The following COL27A1 variants were observed in gnomAD, a reference collection of about 807,000 sequenced individuals.
The protein encoded by COL27A1 is collagen type XXVII alpha 1 chain, also known as collagen alpha-1(XXVII) chain.
A neutral mutation model predicts 251.3 loss-of-function variants in COL27A1; 106 were observed. The observed-to-expected ratio is 0.42, with a 90% CI of 0.36 to 0.50. The LOEUF is 0.50. Among genes scored for constraint, COL27A1 ranks in the 20% least tolerant of loss-of-function variants. The pLI is 0.00. For missense variants in COL27A1, 2,325 were observed against 2,522.8 expected, an observed-to-expected ratio of 0.92 and a Z score of 1.68; for synonymous variants, 1,000 against 986.3, an observed-to-expected ratio of 1.01 and a Z score of -0.26.
intron 1 of COL27A1, among the ~76,000 whole-genome samples, chr9:114,156,877 T>C (rs1048836452): frequency 4.1e-4 from 63 of 152,246 alleles, no homozygotes; most frequent in Admixed American, 3.0e-3. Context: ...AAGCAGCCCG[T>C]TGGGGCCTGT....
chr9:114,168,953 C>G lies in COL27A1; in HGVS notation c.1398C>G (p.Ser466Arg), dbSNP rs1849104034. The G allele has an allele frequency of 6.2e-6, 10 of 1,614,036 alleles. No individual in the cohort carries two copies. Among genetic ancestry groups the G allele is most frequent in the Non-Finnish European group, 5.9e-6 (7 of 1,180,042 alleles). ...CTCGGACTGAGGCCAAGATAACCAG[C>G]CATGCCAGTAAGCCGGCCTCTGCCC... ...TLARTEAKITSHASKPASART... is the reference protein window; with the variant it reads ...TLARTEAKITRHASKPASART... Residue 466 changes from serine to arginine, a missense_variant, in exon 3 of 61, where the codon AGC becomes AGG. Coordinates refer to ENST00000356083, the MANE Select transcript of COL27A1 (RefSeq NM_032888.4).
At chr9:114,211,731 A>T (rs1307289575) in intron 12 of COL27A1, among the ~76,000 whole-genome samples, 1 of 152,224 alleles carries the variant, frequency 6.6e-6, no homozygotes, top group Non-Finnish European at 1.5e-5. Context: ...TGCTTGAGGC[A>T]GCCTCTCAGG....
intron 28 of COL27A1, 77 bp downstream of exon 28, chr9:114,258,671 T>C (rs987891229): frequency 6.9e-7 from 1 of 1,459,720 alleles, no homozygotes; most frequent in African/African-American, 1.4e-5. Context: ...TGCCAGAGAC[T>C]GCCTGGGCTT....
At chr9:114,300,836 C>A in intron 51 of COL27A1, 149 bp downstream of exon 51, 1 of 759,530 alleles carries the variant, frequency 1.3e-6, no homozygotes. Context: ...TCACTCCTGC[C>A]GTTCCCACCA....
At chr9:114,215,019 G>T (rs541441129) in intron 12 of COL27A1, among the ~76,000 whole-genome samples, 29 of 152,344 alleles carry the variant, frequency 1.9e-4, no homozygotes, top group Non-Finnish European at 3.2e-4. Flanking sequence ...TGCTGGGATG[G>T]CCCTGCAAGG....
intron 4 of COL27A1, among the ~76,000 whole-genome samples, chr9:114,179,997 C>A (rs1043132820): frequency 3.3e-5 from 5 of 152,082 alleles, no homozygotes; most frequent in Non-Finnish European, 7.3e-5. Context: ...CGCCCCCGGG[C>A]CCAGCTATTT....
chr9:114,166,346 T>C (rs904708696), intron 2 of COL27A1, among the ~76,000 whole-genome samples: 6 of 151,208 alleles, frequency 4.0e-5, no homozygotes, highest in Admixed American at 3.9e-4. Context: ...TATCCTTTCA[T>C]GCATCCATGT....
chr9:114,219,994 C>T lies in COL27A1; in HGVS notation c.2421+150C>T, dbSNP rs559529219. Reference sequence around the variant, plus strand: ...GGGCACCCTTGGACAAATTACATGACGTCTCTAAACGCTAGGCTCCTGTCT... The same window carrying T: ...GGGCACCCTTGGACAAATTACATGATGTCTCTAAACGCTAGGCTCCTGTCT... On this transcript the variant is annotated intron_variant, in intron 13 of 60. Transcript: ENST00000356083. 7.7e-6 allele frequency: 5 copies of T among 645,596 alleles called. No individual in the cohort carries two copies. In the African/African-American group the frequency reaches 9.0e-5, roughly 12 times the overall value. The allele number at this position is 645,596 out of a possible 1,614,324, so 40.0% of individuals were successfully genotyped here.
intron 12 of COL27A1, among the ~76,000 whole-genome samples, chr9:114,219,088 G>A (rs988006661): frequency 6.6e-6 from 1 of 152,030 alleles, no homozygotes; most frequent in East Asian, 1.9e-4. Context: ...TTCTGTCCCC[G>A]GCCCCCGAAG....
intron 5 of COL27A1, among the ~76,000 whole-genome samples, chr9:114,191,139 T>A (rs544239932): frequency 6.6e-6 from 1 of 152,340 alleles, no homozygotes; most frequent in Non-Finnish European, 1.5e-5. Flanking sequence ...CTCTCCAACT[T>A]CTTCCTGTCC....
At chr9:114,250,773 T>A in intron 25 of COL27A1, 105 bp downstream of exon 25, 1 of 963,674 alleles carries the variant, frequency 1.0e-6, no homozygotes, top group Non-Finnish European at 1.6e-6. Flanking sequence ...TACCCTCCCC[T>A]AGCCTCTCTC....
At chr9:114,284,129 G>A (rs528806474) in intron 40 of COL27A1, among the ~76,000 whole-genome samples, 1 of 152,346 alleles carries the variant, frequency 6.6e-6, no homozygotes, top group South Asian at 2.1e-4. Context: ...TACACATCTG[G>A]AGAAACCAGG....
intron 36 of COL27A1, chr9:114,272,158 G>C (rs1420578712): frequency 6.6e-6 from 1 of 152,208 alleles, no homozygotes; most frequent in Non-Finnish European, 1.5e-5. Flanking sequence ...GGCTTTATGT[G>C]AATTAACCCA....
intron 13 of COL27A1, 32 bp from the exon 14 acceptor site, chr9:114,222,191 A>G (rs1342551466): frequency 6.2e-7 from 1 of 1,609,612 alleles, no homozygotes; most frequent in African/African-American, 1.3e-5. Flanking sequence ...GAGATGGGAC[A>G]AGTAACCACC....
chr9:114,166,071 TC>T (rs1848825737), intron 2 of COL27A1, among the ~76,000 whole-genome samples: 1 of 150,422 alleles, frequency 6.6e-6, no homozygotes, highest in African/African-American at 2.5e-5. Flanking sequence ...CCACCATCCA[TC>T]CAGCCAGTCA....
chr9:114,224,731 C>T (rs1021282429), intron 14 of COL27A1, among the ~76,000 whole-genome samples: 4 of 143,032 alleles, frequency 2.8e-5, no homozygotes, highest in African/African-American at 1.0e-4. Flanking sequence ...TGGCTCACTG[C>T]AGCCTCTGCC....
chr9:114,156,114 A>G (rs7860877), intron 1 of COL27A1, 102 bp downstream of exon 1: 225,694 of 1,276,996 alleles, frequency 0.18, 23,007 homozygotes, highest in East Asian at 0.54. Flanking sequence ...GCGGAACGTC[A>G]GCTTCCTGCC....
intron 7 of COL27A1, among the ~76,000 whole-genome samples, chr9:114,200,396 T>G (rs1829481654): frequency 6.6e-6 from 1 of 152,194 alleles, no homozygotes; most frequent in Non-Finnish European, 1.5e-5. Context: ...AATGCCCACA[T>G]CCCCTTGTAG....
rs2135701982 is a variant in COL27A1, at chr9:114,282,315, C to A, written c.3756C>A (p.Gly1252=). 1.2e-6 allele frequency: 2 copies of A among 1,614,060 alleles called. No homozygotes were observed. The highest frequency in any genetic ancestry group is 1.7e-6 in the Non-Finnish European group (2 of 1,180,016). ...EGKSGKQGEK[G]RTGAKGAKGY... ...AATCAGGGAAGCAAGGCGAGAAGGG[C>A]CGCACTGGAGCCAAGGTAGGTGTCC... The change falls in exon 38 of 61, where the codon GGC becomes GGA. Residue 1252 remains glycine (G), a synonymous_variant. Transcript: ENST00000356083.
Sources: allele counts gnomAD v4.1 joint callset (sites outside exome capture counted in the v4.1 genomes callset), GRCh38; gene constraint gnomAD v4.1.1; transcripts MANE v1.5; gene names NCBI Gene and HGNC (gene_info 2026-07-23, HGNC 2026-07-21).